SLC7A13: variants seen among roughly 807,000 people sequenced by gnomAD.
The protein encoded by SLC7A13 is solute carrier family 7 member 13.
Under a neutral mutation model 32.0 loss-of-function variants are expected in SLC7A13, and 31 were observed. That is an observed-to-expected ratio of 0.97 (90% CI 0.73 to 1.31). SLC7A13 has a LOEUF of 1.31. Among genes scored for constraint, SLC7A13 ranks in the 50% most tolerant of loss-of-function variants. The probability of loss-of-function intolerance (pLI) is 0.00; values close to 1 mark genes in which losing one functional copy is unlikely to be tolerated. For missense variants in SLC7A13, 633 were observed against 546.9 expected, an observed-to-expected ratio of 1.16 and a Z score of -1.57; for synonymous variants, 232 against 206.9, an observed-to-expected ratio of 1.12 and a Z score of -1.04.
chr8:86,228,347 C>A (rs1180923609), intron 1 of SLC7A13, among the ~76,000 whole-genome samples: 1 of 151,956 alleles, frequency 6.6e-6, no homozygotes, highest in Non-Finnish European at 1.5e-5. Flanking sequence ...GTTACAGTAT[C>A]TTCGCATTGT....
Position 86,229,860 on chromosome 8 carries a change from C to A in SLC7A13, c.418G>T (p.Ala140Ser). 6.2e-7 allele frequency: 1 copy of A among 1,614,176 alleles called. No individual in the cohort carries two copies. The highest frequency in any genetic ancestry group is 8.5e-7 in the Non-Finnish European group (1 of 1,180,034). ...AGAATTCCTACAATCCACAACATGG[C>A]CAATGCCAGACATTTCTTAGGCAGC... ...PKLPKKCLAL[A>S]MLWIVGILTS... The change falls in exon 1 of 4, where the codon GCC becomes TCC. Residue 140 changes from alanine (A) to serine (S), a missense_variant. Physicochemically the swap from Ala to Ser is moderately conservative, Grantham distance 99. Transcript: ENST00000297524.
At chr8:86,225,435 A>G (rs1455021738) in intron 1 of SLC7A13, among the ~76,000 whole-genome samples, 4 of 152,174 alleles carry the variant, frequency 2.6e-5, no homozygotes, top group Non-Finnish European at 5.9e-5. Flanking sequence ...GTTGTTAATT[A>G]CTATAGTTAT....
At chr8:86,224,819 T>A (rs1302511343) in intron 1 of SLC7A13, among the ~76,000 whole-genome samples, 2 of 152,148 alleles carry the variant, frequency 1.3e-5, no homozygotes, top group African/African-American at 4.8e-5. Context: ...AGCAACGTAA[T>A]GGTGTTAAAA....
Position 86,214,396 on chromosome 8 carries a change from G to A in SLC7A13, c.*17C>T, listed in dbSNP as rs756904172. ...TTTTTAGAAGGCCAATTTTTTAAGA[G>A]TTTGCACTTCCGACATCTATTCCTC... On this transcript the variant is annotated 3_prime_UTR_variant, in exon 4 of 4. Coordinates refer to ENST00000297524, the MANE Select transcript of SLC7A13 (RefSeq NM_138817.3). 13 of 1,517,820 alleles carry A rather than the reference G, an allele frequency of 8.6e-6. No homozygotes were observed. In the African/African-American group the frequency reaches 1.8e-4, roughly 21 times the overall value. 94.0% of individuals were successfully genotyped at this position (1,517,820 alleles called of 1,614,324 possible).
At chr8:86,225,356 T>C (rs1820372071) in intron 1 of SLC7A13, among the ~76,000 whole-genome samples, 1 of 152,158 alleles carries the variant, frequency 6.6e-6, no homozygotes, top group Non-Finnish European at 1.5e-5. Flanking sequence ...CTCCTTATAG[T>C]GAAAACTGTA....
chr8:86,227,147 A>G (rs1321554341), intron 1 of SLC7A13, among the ~76,000 whole-genome samples: 1 of 152,168 alleles, frequency 6.6e-6, no homozygotes, highest in Non-Finnish European at 1.5e-5. Context: ...TATCTTACTC[A>G]TCTTGAGGCA....
At chr8:86,229,450 G>A (rs1426583824) in intron 1 of SLC7A13, 143 bp downstream of exon 1, 2 of 782,560 alleles carry the variant, frequency 2.6e-6, no homozygotes, top group Non-Finnish European at 4.0e-6. Flanking sequence ...ACAAGTGCCA[G>A]GCTGGCATGA....
intron 2 of SLC7A13, among the ~76,000 whole-genome samples, chr8:86,218,416 C>T (rs372639500): frequency 6.6e-6 from 1 of 151,966 alleles, no homozygotes; most frequent in African/African-American, 2.4e-5. Context: ...TTCTATAGAC[C>T]AGTAATTCTC....
intron 3 of SLC7A13, among the ~76,000 whole-genome samples, chr8:86,215,042 C>G (rs1396536974): frequency 1.3e-5 from 2 of 152,110 alleles, no homozygotes; most frequent in African/African-American, 4.8e-5. Context: ...AACAGAAAGA[C>G]TATCCTCAGA....
At position 86,218,705 on chromosome 8, in the gene SLC7A13, T is replaced by C. The variant is rs190747584; in HGVS notation, c.818-874A>G. ...AAAGATCTTATGAGTACTAATTTAATAAAAGTCCACAGGAACAAAACACAA... is the reference window on the plus strand; with the variant it reads ...AAAGATCTTATGAGTACTAATTTAACAAAAGTCCACAGGAACAAAACACAA... On this transcript the variant is annotated intron_variant, in intron 2 of 3. Coordinates refer to ENST00000297524, the MANE Select transcript of SLC7A13 (RefSeq NM_138817.3). 1.1e-3 allele frequency among the ~76,000 whole-genome samples: 164 copies of C among 152,062 alleles called. 1 individual carries two copies. Among genetic ancestry groups the C allele is most frequent in the African/African-American group, 3.7e-3 (155 of 41,512 alleles).
intron 2 of SLC7A13, 66 bp downstream of exon 2, chr8:86,222,906 G>C: frequency 7.0e-7 from 1 of 1,434,242 alleles, no homozygotes; most frequent in Non-Finnish European, 9.2e-7. Context: ...GTTCTGACTG[G>C]TGAAATGATA....
intron 2 of SLC7A13, among the ~76,000 whole-genome samples, chr8:86,220,773 A>G (rs566332011): frequency 2.6e-5 from 4 of 152,110 alleles, no homozygotes; most frequent in East Asian, 3.9e-4. Flanking sequence ...AGAGGCCAAG[A>G]GGGAGAATCA....
At chr8:86,218,117 A>G (rs2129784243) in intron 2 of SLC7A13, among the ~76,000 whole-genome samples, 1 of 152,246 alleles carries the variant, frequency 6.6e-6, no homozygotes, top group African/African-American at 2.4e-5. Flanking sequence ...TTTCTATAAA[A>G]CTAGTGGATC....
chr8:86,217,369 T>A, intron 3 of SLC7A13, 101 bp downstream of exon 3: 1 of 1,105,168 alleles, frequency 9.0e-7, no homozygotes, highest in Non-Finnish European at 1.2e-6. Context: ...TAACTGAGTA[T>A]TCAGAAGATC....
chr8:86,218,925 C>G (rs1000219270), intron 2 of SLC7A13, among the ~76,000 whole-genome samples: 2 of 152,052 alleles, frequency 1.3e-5, no homozygotes, highest in Non-Finnish European at 2.9e-5. Flanking sequence ...GGTTTGTTTC[C>G]AGGGGTACTT....
chr8:86,216,443 G>A (rs951885945), intron 3 of SLC7A13, among the ~76,000 whole-genome samples: 1 of 152,130 alleles, frequency 6.6e-6, no homozygotes, highest in Non-Finnish European at 1.5e-5. Context: ...CAGGAGCCAA[G>A]TCTTAATTCT....
chr8:86,214,964 A>G (rs1294927478), intron 3 of SLC7A13, among the ~76,000 whole-genome samples: 2 of 152,164 alleles, frequency 1.3e-5, no homozygotes, highest in African/African-American at 4.8e-5. Context: ...GGGAGTTTCT[A>G]AGGCCCAATG....
chr8:86,220,465 C>G (rs558237287), intron 2 of SLC7A13, among the ~76,000 whole-genome samples: 1 of 152,066 alleles, frequency 6.6e-6, no homozygotes, highest in African/African-American at 2.4e-5. Flanking sequence ...AGCTCTGACA[C>G]GGACACAGAC....
rs1231074924 is a variant in SLC7A13, at chr8:86,217,851, C to A, written c.818-20G>T. The A allele has an allele frequency of 6.6e-7, 1 of 1,504,842 alleles. No homozygotes were observed. The highest frequency in any genetic ancestry group is 1.4e-5 in the South Asian group (1 of 71,738). 93.2% of individuals were successfully genotyped at this position (1,504,842 alleles called of 1,614,324 possible). On this transcript the variant is annotated intron_variant, in intron 2 of 3. Coordinates refer to ENST00000297524, the MANE Select transcript of SLC7A13 (RefSeq NM_138817.3). ...CAGCATCTGCAGAAAAACAAAAATA[C>A]ACAAAAGAAAATGTGTTAAAAGAGA... is the stretch of plus-strand genomic sequence containing the variant.
Sources: gnomAD v4.1 joint callset for allele counts (sites outside exome capture counted in the v4.1 genomes callset) on GRCh38, gnomAD v4.1.1 for gene constraint, MANE v1.5 for transcripts, NCBI Gene and HGNC (gene_info 2026-07-23, HGNC 2026-07-21) for gene names.